The following EYS variants were observed in gnomAD, a reference collection of about 807,000 sequenced individuals.
EYS encodes protein eyes shut homolog.
A neutral mutation model predicts 282.1 loss-of-function variants in EYS; 250 were observed. The observed-to-expected ratio is 0.89, with a 90% CI of 0.80 to 0.98. EYS has a LOEUF of 0.98. Ranked by LOEUF, EYS falls within the 50% of genes least tolerant of loss-of-function variation. The probability of loss-of-function intolerance (pLI) is 0.00; values close to 1 mark genes in which losing one functional copy is unlikely to be tolerated. For missense variants in EYS, 4,016 were observed against 3,709.0 expected (o/e 1.08, Z -2.15); for synonymous variants, 1,355 against 1,282.9 (o/e 1.06, Z -1.20).
chr6:64,339,625 C>A (rs1771014781), intron 29 of EYS, among the ~76,000 whole-genome samples: 1 of 151,920 alleles, frequency 6.6e-6, no homozygotes, highest in South Asian at 2.1e-4. Flanking sequence ...AATCCCACTA[C>A]TGGGTATCTG....
At chr6:64,658,188 T>C (rs1377014537) in intron 22 of EYS, among the ~76,000 whole-genome samples, 5 of 152,228 alleles carry the variant, frequency 3.3e-5, no homozygotes, top group Non-Finnish European at 5.9e-5. Context: ...TTCTCCTGCC[T>C]TGGTTTTCAG....
intron 31 of EYS, among the ~76,000 whole-genome samples, chr6:64,184,279 G>C (rs892257690): frequency 6.6e-6 from 1 of 152,136 alleles, no homozygotes; most frequent in Admixed American, 6.6e-5. Flanking sequence ...ATGGAGACTT[G>C]ATTAAATACT....
Position 63,806,261 on chromosome 6 carries a change from T to A in EYS, c.7340A>T (p.Lys2447Met). The change falls in exon 37 of 43, where the codon AAG becomes ATG. Residue 2447 changes from lysine to methionine, a missense_variant. Coordinates refer to ENST00000503581, the MANE Select transcript of EYS (RefSeq NM_001142800.2). ...TGAGTGGTTGTTTGCCAGCTGAAAC[T>A]TCAGGTGGAATTCATAATGGAAGCT... ...DISFHYEFHL[K>M]FQLANNHSAL... 1 of 1,551,652 alleles carries A rather than the reference T, an allele frequency of 6.4e-7. No homozygotes were observed. Among genetic ancestry groups the A allele is most frequent in the Non-Finnish European group, 8.7e-7 (1 of 1,146,926 alleles).
intron 29 of EYS, among the ~76,000 whole-genome samples, chr6:64,316,829 G>A (rs1339151840): frequency 3.3e-5 from 5 of 152,126 alleles, no homozygotes; most frequent in Non-Finnish European, 7.4e-5. Context: ...CAAGGCTACA[G>A]TAACACAAAC....
intron 31 of EYS, among the ~76,000 whole-genome samples, chr6:64,168,635 C>T (rs1764377638): frequency 1.3e-5 from 2 of 152,002 alleles, no homozygotes; most frequent in Non-Finnish European, 2.9e-5. Context: ...AAAAATAAAA[C>T]AAGCCAGATA....
chr6:64,265,164 A>C (rs193254343), intron 30 of EYS, among the ~76,000 whole-genome samples: 6 of 152,236 alleles, frequency 3.9e-5, no homozygotes, highest in Non-Finnish European at 5.9e-5. Flanking sequence ...CGAAAATGTA[A>C]ATGGTTTATG....
At chr6:65,128,886 G>T (rs1480247401) in intron 12 of EYS, among the ~76,000 whole-genome samples, 1 of 151,932 alleles carries the variant, frequency 6.6e-6, no homozygotes, top group Non-Finnish European at 1.5e-5. Context: ...AACAATGCTG[G>T]AAATTTCACA....
intron 31 of EYS, among the ~76,000 whole-genome samples, chr6:64,205,011 TAAC>T (rs2150324293): frequency 6.6e-6 from 1 of 152,258 alleles, no homozygotes; most frequent in African/African-American, 2.4e-5. Flanking sequence ...GGTAAATTGT[TAAC>T]AATAGAATTT....
chr6:64,671,415 A>G (rs1178325336), intron 22 of EYS, among the ~76,000 whole-genome samples: 1 of 152,160 alleles, frequency 6.6e-6, no homozygotes, highest in Non-Finnish European at 1.5e-5. Context: ...CCAGACCCTG[A>G]GTCTGTTGGC....
intron 13 of EYS, among the ~76,000 whole-genome samples, chr6:65,052,774 C>T (rs1032844525): frequency 5.3e-5 from 8 of 151,618 alleles, no homozygotes; most frequent in African/African-American, 1.2e-4. Context: ...AAAAGAAATA[C>T]GTATTTGAAA....
chr6:65,239,699 G>A (rs1450735462), intron 12 of EYS, among the ~76,000 whole-genome samples: 1 of 151,880 alleles, frequency 6.6e-6, no homozygotes, highest in Non-Finnish European at 1.5e-5. Flanking sequence ...TAAAGAAAAT[G>A]GTTTTTGAAA....
chr6:65,245,554 G>A (rs1582058683), intron 12 of EYS, among the ~76,000 whole-genome samples: 22 of 151,826 alleles, frequency 1.4e-4, no homozygotes, highest in Admixed American at 1.4e-3. Context: ...TCATATCAAG[G>A]CCTTTATATT....
intron 12 of EYS, among the ~76,000 whole-genome samples, chr6:65,137,855 A>T (rs1776067897): frequency 6.6e-6 from 1 of 152,120 alleles, no homozygotes; most frequent in Admixed American, 6.6e-5. Flanking sequence ...TATGATATTT[A>T]CTTGGAAAAC....
intron 31 of EYS, among the ~76,000 whole-genome samples, chr6:64,219,590 A>G (rs1364554689): frequency 6.6e-6 from 1 of 152,170 alleles, no homozygotes; most frequent in East Asian, 1.9e-4. Flanking sequence ...CTAGTTCTAG[A>G]TCCCTGAGGA....
chr6:65,423,052 C>T (rs749088305), intron 5 of EYS, among the ~76,000 whole-genome samples: 3 of 151,722 alleles, frequency 2.0e-5, no homozygotes, highest in Non-Finnish European at 4.4e-5. Context: ...AACATGATCA[C>T]ACAAACATCC....
intron 12 of EYS, among the ~76,000 whole-genome samples, chr6:65,075,351 C>T (rs1463229575): frequency 2.0e-5 from 3 of 152,044 alleles, no homozygotes; most frequent in East Asian, 1.9e-4. Flanking sequence ...AATTTCTTCA[C>T]ATTTTGAAAG....
chr6:63,912,225 G>A lies in EYS; in HGVS notation c.7056-47867C>T, dbSNP rs182788289. ...TTTATAGTGAAGCATCCTTTTTGTC[G>A]TAAGTCTCTCCATGTTGCTAGGATT... On this transcript the variant is annotated intron_variant, in intron 35 of 42. Coordinates refer to ENST00000503581, the MANE Select transcript of EYS (RefSeq NM_001142800.2). Among the ~76,000 whole-genome samples the A allele has an allele frequency of 2.0e-4, 31 of 151,982 alleles. No homozygotes were observed. In the East Asian group the frequency reaches 2.5e-3, roughly 12 times the overall value.
At chr6:64,553,545 A>AC (rs10541994) in intron 26 of EYS, among the ~76,000 whole-genome samples, 4,674 of 46,290 alleles carry the variant, frequency 0.1, 683 homozygotes, top group East Asian at 0.13. Context: ...CTTTTGTTTG[A>AC]CCCCCCCCCC....
At chr6:65,030,869 G>T (rs1772580402) in intron 13 of EYS, among the ~76,000 whole-genome samples, 1 of 152,226 alleles carries the variant, frequency 6.6e-6, no homozygotes, top group Admixed American at 6.5e-5. Context: ...GGTGGATAAA[G>T]AAATAAGACC....
Sources: allele counts gnomAD v4.1 joint callset (sites outside exome capture counted in the v4.1 genomes callset), GRCh38; gene constraint gnomAD v4.1.1; transcripts MANE v1.5; gene names NCBI Gene and HGNC (gene_info 2026-07-23, HGNC 2026-07-21).